Variants in ZMIZ1 observed in about 807,000 individuals in gnomAD.
ZMIZ1 encodes zinc finger MIZ-type containing 1, also known as zinc finger MIZ domain-containing protein 1.
Under a neutral mutation model 113.9 loss-of-function variants are expected in ZMIZ1, and 17 were observed. The ratio of observed to expected loss-of-function variants is 0.15; its 90% CI spans 0.10 to 0.22. The LOEUF (loss-of-function observed/expected upper bound fraction) is 0.22. Ranked by LOEUF, ZMIZ1 falls within the 10% of genes least tolerant of loss-of-function variation. ZMIZ1 has a pLI of 1.00. For synonymous variants in ZMIZ1, 607 were observed against 603.1 expected, an observed-to-expected ratio of 1.01 and a Z score of -0.09; for missense variants, 1,059 against 1,477.8, an observed-to-expected ratio of 0.72 and a Z score of 4.65.
At chr10:79,094,981 A>C (rs768789126) in intron 1 of ZMIZ1, among the ~76,000 whole-genome samples, 1 of 150,454 alleles carries the variant, frequency 6.6e-6, no homozygotes, top group Non-Finnish European at 1.5e-5. Context: ...AGAGAGAGAG[A>C]AAGCAAGCAA....
At chr10:79,105,429 G>A (rs568473263) in intron 1 of ZMIZ1, among the ~76,000 whole-genome samples, 1 of 152,218 alleles carries the variant, frequency 6.6e-6, no homozygotes, top group Non-Finnish European at 1.5e-5. Context: ...AGGCTGCCTC[G>A]ATCCTGAGAG....
At chr10:79,219,409 G>A (rs886793520) in intron 7 of ZMIZ1, among the ~76,000 whole-genome samples, 1 of 152,218 alleles carries the variant, frequency 6.6e-6, no homozygotes, top group Non-Finnish European at 1.5e-5. Context: ...GAAGCTCAGA[G>A]AGGTCCTATG....
In ZMIZ1 at chr10:79,118,391, C is replaced by A. The variant is rs1157908549; in HGVS notation, c.-336-524C>A. On this transcript the variant is annotated intron_variant, in intron 1 of 24. Coordinates refer to ENST00000334512, the MANE Select transcript of ZMIZ1 (RefSeq NM_020338.4). The surrounding 1 kb of genome is among the most constrained non-coding windows in gnomAD (Gnocchi z 4.1). ...TCACTCCCAATGTCCAGGAGCTGGG[C>A]CTGGAGCGGGAGAGTGTCCTGTGGG... Among the ~76,000 whole-genome samples the A allele has an allele frequency of 6.6e-6, 1 of 152,138 alleles. No individual in the cohort carries two copies. The highest frequency in any genetic ancestry group is 1.5e-5 in the Non-Finnish European group (1 of 68,026).
At chr10:79,305,029 C>T (rs1854585181) in intron 19 of ZMIZ1, 135 bp from the exon 20 acceptor site, 2 of 959,486 alleles carry the variant, frequency 2.1e-6, no homozygotes. Context: ...TTTCATTCCA[C>T]CCAGCCCCAG....
intron 4 of ZMIZ1, among the ~76,000 whole-genome samples, chr10:79,173,083 C>G (rs1291796839): frequency 6.6e-6 from 1 of 152,136 alleles, no homozygotes; most frequent in Non-Finnish European, 1.5e-5. Context: ...AATGAGCTGA[C>G]CCTGGACACC....
At position 79,296,640 on chromosome 10, in the gene ZMIZ1, G is replaced by T; in HGVS notation, c.1400G>T (p.Gly467Val). The T allele has an allele frequency of 6.4e-7, 1 of 1,572,152 alleles. No homozygotes were observed. ...GQYPPPTVNM[G>V]QYYKPEQFNG... ...TACCCGCCCCCCACGGTCAACATGG[G>T]GCAGTATTACAAGGTGAGTCCCAGC... Residue 467 changes from glycine (G) to valine (V), a missense_variant, in exon 13 of 25, where the codon GGG (glycine) becomes GTG (valine). By Grantham distance (109) the Gly-to-Val change is moderately radical (BLOSUM62 -3). Transcript: ENST00000334512. The surrounding 1 kb of genome is among the most constrained non-coding windows in gnomAD (Gnocchi z 4.1).
At chr10:79,275,830 C>A (rs540314484) in intron 7 of ZMIZ1, among the ~76,000 whole-genome samples, 61 of 152,270 alleles carry the variant, frequency 4.0e-4, no homozygotes, top group African/African-American at 1.4e-3. Context: ...GACTGGGCCC[C>A]CGTCTACTCA....
At position 79,313,648 on chromosome 10, in the gene ZMIZ1, T is replaced by A. The variant is rs1339264210; in HGVS notation, c.*899T>A. ...AAACAGGAGCGGCAACTTCTAACTT[T>A]GCTCCAAGCCACTCTCTTTTTAAAC... On this transcript the variant is annotated 3_prime_UTR_variant, in exon 25 of 25. Transcript: ENST00000334512. The A allele has an allele frequency of 4.1e-6, 1 of 246,606 alleles. No homozygotes were observed. The highest frequency in any genetic ancestry group is 2.3e-5 in the African/African-American group (1 of 43,958). The allele number at this position is 246,606 out of a possible 1,614,324, so 15.3% of individuals were successfully genotyped here. A position where few individuals can be genotyped will look rare whatever the true frequency, so the allele number is the denominator to read the frequency against.
intron 4 of ZMIZ1, among the ~76,000 whole-genome samples, chr10:79,183,380 A>G (rs1008501422): frequency 4.8e-5 from 7 of 147,262 alleles, no homozygotes; most frequent in East Asian, 2.0e-4. Context: ...ACACACACAC[A>G]CACGCACACA....
chr10:79,290,905 T>C lies in ZMIZ1; in HGVS notation c.541-54T>C, dbSNP rs1280015001. On this transcript the variant is annotated intron_variant, in intron 9 of 24. Transcript: ENST00000334512. ...TCCCCTCTTCATTTATCCCTCTTCCTCTCCACACTGCCTCGGGTAGCACCT... is the reference window on the plus strand; with the variant it reads ...TCCCCTCTTCATTTATCCCTCTTCCCCTCCACACTGCCTCGGGTAGCACCT... The C allele has an allele frequency of 8.1e-6, 13 of 1,597,614 alleles. No individual in the cohort carries two copies. The East Asian group carries it at 2.7e-4, about 33-fold the overall frequency.
chr10:79,308,740 C>G (rs1311545665), intron 23 of ZMIZ1, among the ~76,000 whole-genome samples: 1 of 152,066 alleles, frequency 6.6e-6, no homozygotes, highest in Non-Finnish European at 1.5e-5. Context: ...TTTCCTGATG[C>G]CCCTTCCTGG....
At chr10:79,244,863 G>A (rs768532079) in intron 7 of ZMIZ1, among the ~76,000 whole-genome samples, 17 of 152,334 alleles carry the variant, frequency 1.1e-4, no homozygotes, top group Non-Finnish European at 1.9e-4. Flanking sequence ...GGCTCCCCCA[G>A]TTATGGGGCT....
chr10:79,293,315 T>C, intron 11 of ZMIZ1, 66 bp from the exon 12 acceptor site: 2 of 1,504,062 alleles, frequency 1.3e-6, no homozygotes, highest in Non-Finnish European at 1.8e-6. Context: ...CCCTGCACTT[T>C]CAATGCATGT....
intron 7 of ZMIZ1, among the ~76,000 whole-genome samples, chr10:79,231,604 A>T (rs903490445): frequency 6.7e-6 from 1 of 148,738 alleles, no homozygotes; most frequent in African/African-American, 2.5e-5. Context: ...TTTGAGACGG[A>T]GTCTCGCTCT....
At chr10:79,264,683 G>A (rs201314782) in intron 7 of ZMIZ1, among the ~76,000 whole-genome samples, 39 of 152,270 alleles carry the variant, frequency 2.6e-4, no homozygotes, top group East Asian at 2.3e-3. Context: ...CCCCACCTCC[G>A]GAGGGGCTTG....
chr10:79,223,011 G>GGT (rs1849043826), intron 7 of ZMIZ1, among the ~76,000 whole-genome samples: 1 of 152,152 alleles, frequency 6.6e-6, no homozygotes, highest in Non-Finnish European at 1.5e-5. Context: ...CAGACCCCGT[G>GGT]GTGGTGGGGA....
At chr10:79,161,229 C>G (rs934946182) in intron 3 of ZMIZ1, among the ~76,000 whole-genome samples, 1 of 152,224 alleles carries the variant, frequency 6.6e-6, no homozygotes, top group Non-Finnish European at 1.5e-5. Flanking sequence ...AGCGTCCCCA[C>G]TGCTCTTCTG....
At chr10:79,239,289 C>T (rs1849713996) in intron 7 of ZMIZ1, among the ~76,000 whole-genome samples, 1 of 152,142 alleles carries the variant, frequency 6.6e-6, no homozygotes, top group Non-Finnish European at 1.5e-5. Flanking sequence ...TGCCAGGTCC[C>T]CGGTATGTGT....
intron 23 of ZMIZ1, among the ~76,000 whole-genome samples, chr10:79,309,952 G>A (rs182952690): frequency 5.8e-4 from 89 of 152,226 alleles, no homozygotes; most frequent in African/African-American, 2.0e-3. Context: ...AGGATTCCCC[G>A]GCCTTTCACT....
Sources: allele counts gnomAD v4.1 joint callset (sites outside exome capture counted in the v4.1 genomes callset), GRCh38; gene constraint gnomAD v4.1.1; non-coding constraint Gnocchi (gnomAD v3.1); transcripts MANE v1.5; gene names NCBI Gene and HGNC (gene_info 2026-07-23, HGNC 2026-07-21).